Variants in IQCM observed in about 807,000 individuals in gnomAD.
IQCM encodes the protein IQ domain-containing protein M.
IQCM carries 45 observed loss-of-function variants against 57.6 expected under a neutral mutation model. The ratio of observed to expected loss-of-function variants is 0.78; its 90% CI spans 0.62 to 1.00. The LOEUF (loss-of-function observed/expected upper bound fraction) is 1.00. Ranked by LOEUF, IQCM falls within the 50% of genes least tolerant of loss-of-function variation. IQCM has a pLI of 0.00. For synonymous variants in IQCM, 148 were observed against 158.9 expected (o/e 0.93, Z 0.51); for missense variants, 468 against 511.6 (o/e 0.91, Z 0.82).
At chr4:149,467,729 G>A (rs1053847894) in intron 12 of IQCM, among the ~76,000 whole-genome samples, 4 of 152,198 alleles carry the variant, frequency 2.6e-5, no homozygotes, top group East Asian at 1.9e-4. Context: ...TCTGATAGGA[G>A]CTGTGGGTTT....
chr4:149,664,434 T>C (rs912525980), intron 7 of IQCM, among the ~76,000 whole-genome samples: 1 of 152,140 alleles, frequency 6.6e-6, no homozygotes, highest in African/African-American at 2.4e-5. Flanking sequence ...TCTAACTTTA[T>C]GGAGTAGCTT....
intron 5 of IQCM, among the ~76,000 whole-genome samples, chr4:149,700,221 G>A (rs1221543081): frequency 6.6e-6 from 1 of 152,024 alleles, no homozygotes; most frequent in Non-Finnish European, 1.5e-5. Flanking sequence ...AAGCAGGTCT[G>A]ACATACTCCT....
chr4:149,521,915 C>A (rs1010267269), intron 12 of IQCM, among the ~76,000 whole-genome samples: 1 of 152,170 alleles, frequency 6.6e-6, no homozygotes, highest in Admixed American at 6.5e-5. Flanking sequence ...CACCTGCATC[C>A]AACGCAAGAA....
intron 5 of IQCM, among the ~76,000 whole-genome samples, chr4:149,717,381 C>T (rs142050682): frequency 8.5e-5 from 13 of 152,240 alleles, no homozygotes; most frequent in East Asian, 1.9e-4. Flanking sequence ...AATTCCCATA[C>T]GTTTTGGTGA....
At chr4:149,693,930 C>T (rs1763122253) in intron 5 of IQCM, among the ~76,000 whole-genome samples, 1 of 152,150 alleles carries the variant, frequency 6.6e-6, no homozygotes, top group Non-Finnish European at 1.5e-5. Context: ...AAGGGATATT[C>T]TCTAATCTAT....
At chr4:149,513,865 A>G (rs1560936210) in intron 12 of IQCM, among the ~76,000 whole-genome samples, 1 of 152,154 alleles carries the variant, frequency 6.6e-6, no homozygotes, top group Non-Finnish European at 1.5e-5. Context: ...ATAAAAATTA[A>G]AGCATGCCAA....
At chr4:149,437,263 T>C (rs534469515) in intron 12 of IQCM, among the ~76,000 whole-genome samples, 1 of 151,874 alleles carries the variant, frequency 6.6e-6, no homozygotes, top group East Asian at 2.0e-4. Flanking sequence ...TCTACAGCTG[T>C]ACCTGTAAAG....
At chr4:149,774,284 C>T (rs528123927) in intron 2 of IQCM, among the ~76,000 whole-genome samples, 29 of 152,214 alleles carry the variant, frequency 1.9e-4, no homozygotes, top group African/African-American at 6.7e-4. Context: ...AGTATATACA[C>T]GCTGGTCCTG....
intron 13 of IQCM, among the ~76,000 whole-genome samples, chr4:149,389,965 T>G (rs1308545132): frequency 6.6e-6 from 1 of 152,028 alleles, no homozygotes; most frequent in African/African-American, 2.4e-5. Flanking sequence ...CCCTTGTATT[T>G]CCATATGAAC....
intron 12 of IQCM, among the ~76,000 whole-genome samples, chr4:149,522,991 T>C (rs1745808515): frequency 6.6e-6 from 1 of 152,118 alleles, no homozygotes; most frequent in Non-Finnish European, 1.5e-5. Context: ...ACTGAGTGGA[T>C]TAAATGACAA....
chr4:149,450,719 G>A (rs529753601), intron 12 of IQCM, among the ~76,000 whole-genome samples: 1 of 151,890 alleles, frequency 6.6e-6, no homozygotes, highest in East Asian at 1.9e-4. Context: ...ACAAATGCTG[G>A]CAAAGATGTG....
chr4:149,683,153 G>T (rs17625215), intron 6 of IQCM, among the ~76,000 whole-genome samples: 31,378 of 150,974 alleles, frequency 0.21, 4,083 homozygotes, highest in Non-Finnish European at 0.28. Flanking sequence ...TCATTGTATA[G>T]ATTTTAACAT....
intron 12 of IQCM, among the ~76,000 whole-genome samples, chr4:149,530,545 C>T (rs987793284): frequency 2.6e-5 from 4 of 152,042 alleles, no homozygotes; most frequent in Non-Finnish European, 5.9e-5. Context: ...TATATTAGTC[C>T]TGAGACAGTA....
chr4:149,552,686 C>T (rs1391617967), intron 11 of IQCM, among the ~76,000 whole-genome samples: 1 of 152,132 alleles, frequency 6.6e-6, no homozygotes, highest in Non-Finnish European at 1.5e-5. Context: ...CCTACCTTCC[C>T]ACTGCAAAGT....
chr4:149,422,804 T>C (rs1162780011), intron 13 of IQCM, among the ~76,000 whole-genome samples: 1 of 152,030 alleles, frequency 6.6e-6, no homozygotes, highest in East Asian at 1.9e-4. Context: ...CAAAAGGAAG[T>C]TGGCATAATA....
chr4:149,708,497 G>A (rs959886587), intron 5 of IQCM, among the ~76,000 whole-genome samples: 1 of 151,814 alleles, frequency 6.6e-6, no homozygotes, highest in Admixed American at 6.6e-5. Context: ...AATACTAGGA[G>A]AGCAATAGCA....
chr4:149,584,763 T>A (rs995786539), intron 9 of IQCM, among the ~76,000 whole-genome samples: 3 of 151,800 alleles, frequency 2.0e-5, no homozygotes, highest in Admixed American at 6.6e-5. Context: ...CAATGACAAA[T>A]GAATTTGAAA....
At chr4:149,613,705 G>A (rs895008124) in intron 8 of IQCM, among the ~76,000 whole-genome samples, 6 of 151,984 alleles carry the variant, frequency 3.9e-5, no homozygotes, top group Non-Finnish European at 7.4e-5. Context: ...ATCTCCTAAT[G>A]CTATCTCTCC....
intron 13 of IQCM, among the ~76,000 whole-genome samples, chr4:149,395,740 G>T (rs1732176603): frequency 6.6e-6 from 1 of 152,002 alleles, no homozygotes; most frequent in African/African-American, 2.4e-5. Context: ...ACAATAAAGT[G>T]CTATGCAAAT....
Sources: allele counts gnomAD v4.1 joint callset (sites outside exome capture counted in the v4.1 genomes callset), GRCh38; gene constraint gnomAD v4.1.1; transcripts MANE v1.5; gene names NCBI Gene and HGNC (gene_info 2026-07-23, HGNC 2026-07-21).